The following GABRG3 variants were observed in gnomAD, a reference collection of about 807,000 sequenced individuals.
GABRG3 encodes the protein gamma-aminobutyric acid type A receptor subunit gamma3, also known as gamma-aminobutyric acid receptor subunit gamma-3.
Under a neutral mutation model 48.8 loss-of-function variants are expected in GABRG3, and 25 were observed. The observed-to-expected ratio is 0.51, with a 90% CI of 0.37 to 0.72. The LOEUF is 0.72. Among genes scored for constraint, GABRG3 ranks in the 30% least tolerant of loss-of-function variants. The pLI is 0.00. For synonymous variants in GABRG3, 227 were observed against 217.6 expected, an observed-to-expected ratio of 1.04 and a Z score of -0.38; for missense variants, 394 against 577.9, an observed-to-expected ratio of 0.68 and a Z score of 3.26.
At chr15:27,238,233 CACTG>C in intron 3 of GABRG3, among the ~76,000 whole-genome samples, 1 of 152,148 alleles carries the variant, frequency 6.6e-6, no homozygotes. Context: ...AGGAAGCAGT[CACTG>C]AACTTACAGT....
Position 27,261,540 on chromosome 15 carries a change from G to A in GABRG3, c.271-65269G>A, listed in dbSNP as rs1018166969. 1.0e-4 allele frequency among the ~76,000 whole-genome samples: 15 copies of A among 148,990 alleles called. No individual in the cohort carries two copies. The East Asian group carries it at 1.6e-3, about 15-fold the overall frequency. On this transcript the variant is annotated intron_variant, in intron 3 of 9. Transcript: ENST00000615808. The stretch of plus-strand genomic sequence containing the variant: ...TATTCATATATATACATATATATAT[G>A]TATATATATATTTTTAATATATGTG...
chr15:26,972,518 C>T (rs1324917948), intron 1 of GABRG3, among the ~76,000 whole-genome samples: 2 of 152,104 alleles, frequency 1.3e-5, no homozygotes, highest in East Asian at 3.9e-4. Flanking sequence ...AGTGTCTGGC[C>T]TTTACCTCTT....
intron 3 of GABRG3, among the ~76,000 whole-genome samples, chr15:27,229,245 G>A (rs1298364991): frequency 2.6e-5 from 4 of 152,174 alleles, no homozygotes; most frequent in Non-Finnish European, 5.9e-5. Context: ...TCTTGTATAT[G>A]ATATAAGGAA....
chr15:27,259,713 C>T (rs1372621654), intron 3 of GABRG3, among the ~76,000 whole-genome samples: 2 of 152,138 alleles, frequency 1.3e-5, no homozygotes, highest in Admixed American at 6.5e-5. Context: ...ATTCATCCCT[C>T]TTTCCACCAT....
chr15:27,396,956 G>A (rs1887317657), intron 5 of GABRG3, among the ~76,000 whole-genome samples: 1 of 152,096 alleles, frequency 6.6e-6, no homozygotes, highest in South Asian at 2.1e-4. Flanking sequence ...AATGGGGAGG[G>A]GTATTATCAA....
Position 27,540,047 on chromosome 15 carries a change from A to G in GABRG3, c.*7166A>G, listed in dbSNP as rs2150869447. 6.6e-6 allele frequency: 1 copy of G among 152,306 alleles called. No individual in the cohort carries two copies. Among genetic ancestry groups the G allele is most frequent in the South Asian group, 2.1e-4 (1 of 4,824 alleles). The allele number at this position is 152,306 out of a possible 1,614,324, so 9.4% of individuals were successfully genotyped here. ...ACACAAAGGCTTAGAGCCTTTTCTG[A>G]ACTATAACGAAATCAGAACTTACAT... On this transcript the variant is annotated 3_prime_UTR_variant, in exon 10 of 10. Coordinates refer to ENST00000615808, the MANE Select transcript of GABRG3 (RefSeq NM_033223.5).
intron 7 of GABRG3, among the ~76,000 whole-genome samples, chr15:27,522,086 T>C (rs1296584520): frequency 1.3e-5 from 2 of 151,736 alleles, no homozygotes; most frequent in Non-Finnish European, 3.0e-5. Flanking sequence ...ATGATGACAA[T>C]CAAAAATAAA....
chr15:27,087,827 GGT>G (rs779587061), intron 3 of GABRG3, among the ~76,000 whole-genome samples: 24 of 151,494 alleles, frequency 1.6e-4, no homozygotes, highest in African/African-American at 3.2e-4. Context: ...GATTATGTGT[GGT>G]GTGTGTGCAT....
chr15:27,022,708 G>A (rs867082127), intron 2 of GABRG3, among the ~76,000 whole-genome samples: 4 of 152,054 alleles, frequency 2.6e-5, no homozygotes, highest in African/African-American at 4.8e-5. Context: ...AGACCCGCCC[G>A]GCCCTGCATT....
intron 3 of GABRG3, among the ~76,000 whole-genome samples, chr15:27,139,039 A>C (rs1898058177): frequency 6.6e-6 from 1 of 152,146 alleles, no homozygotes; most frequent in Non-Finnish European, 1.5e-5. Context: ...AGACAGACAG[A>C]CAGAGAGGTA....
Position 27,089,311 on chromosome 15 carries a change from G to A in GABRG3, c.270+62490G>A, listed in dbSNP as rs542497738. On this transcript the variant is annotated intron_variant, in intron 3 of 9. Coordinates refer to ENST00000615808, the MANE Select transcript of GABRG3 (RefSeq NM_033223.5). ...GCTCGTCTGCAGGCAACTGGGAGGAGCGAGGTGGACCTGCTGCCTGCAGTC... is the reference window on the plus strand; with the variant it reads ...GCTCGTCTGCAGGCAACTGGGAGGAACGAGGTGGACCTGCTGCCTGCAGTC... 2.2e-4 allele frequency among the ~76,000 whole-genome samples: 34 copies of A among 152,302 alleles called. 1 individual carries two copies. The highest frequency in any genetic ancestry group is 3.8e-4 in the Non-Finnish European group (26 of 68,012).
At chr15:27,185,170 C>T (rs1888053897) in intron 3 of GABRG3, among the ~76,000 whole-genome samples, 1 of 152,054 alleles carries the variant, frequency 6.6e-6, no homozygotes. Context: ...GCCTTTACAG[C>T]TGTGAATTTC....
At chr15:27,156,499 G>A (rs568276476) in intron 3 of GABRG3, among the ~76,000 whole-genome samples, 3 of 152,062 alleles carry the variant, frequency 2.0e-5, no homozygotes, top group South Asian at 2.1e-4. Flanking sequence ...CAAGATACTC[G>A]CTACCATGTC....
In GABRG3 at chr15:27,313,216, GTATA is replaced by G. The variant is rs1310607749; in HGVS notation, c.271-13586_271-13583del. On this transcript the variant is annotated intron_variant, in intron 3 of 9. Transcript: ENST00000615808. ...TATGTGTATATATATATATGTATAT[GTATA>G]TATATACGTATATGTATATATGTGT... 7.6e-5 allele frequency among the ~76,000 whole-genome samples: 7 copies of G among 92,678 alleles called. No homozygotes were observed. The East Asian group carries it at 1.9e-3, about 26-fold the overall frequency. The allele number at this position is 92,678 out of a possible 152,430, so 60.8% of individuals were successfully genotyped here. A position where few individuals can be genotyped will look rare whatever the true frequency, so the allele number is the denominator to read the frequency against.
chr15:27,082,628 T>C (rs750318676), intron 3 of GABRG3, among the ~76,000 whole-genome samples: 12 of 152,178 alleles, frequency 7.9e-5, no homozygotes, highest in Non-Finnish European at 1.3e-4. Flanking sequence ...AAGATCACGA[T>C]AAAACCACAG....
chr15:27,039,452 G>A (rs930396145), intron 3 of GABRG3, among the ~76,000 whole-genome samples: 6 of 152,186 alleles, frequency 3.9e-5, no homozygotes, highest in Non-Finnish European at 5.9e-5. Context: ...TTAGCCGGCT[G>A]CACCACGGAG....
chr15:27,088,446 TG>T (rs1262708803), intron 3 of GABRG3, among the ~76,000 whole-genome samples: 1 of 152,068 alleles, frequency 6.6e-6, no homozygotes, highest in Non-Finnish European at 1.5e-5. Flanking sequence ...TCTGGCCAAC[TG>T]GGGAGGCTGT....
intron 9 of GABRG3, among the ~76,000 whole-genome samples, chr15:27,532,050 C>A (rs187342979): frequency 6.6e-6 from 1 of 152,186 alleles, no homozygotes; most frequent in African/African-American, 2.4e-5. Flanking sequence ...TTTTACTCTT[C>A]ACTAATTAGA....
intron 3 of GABRG3, among the ~76,000 whole-genome samples, chr15:27,192,717 C>A (rs1443352370): frequency 6.6e-6 from 1 of 152,168 alleles, no homozygotes; most frequent in Non-Finnish European, 1.5e-5. Flanking sequence ...CTCCTTCTCT[C>A]AACTCGTCAT....
Sources: gnomAD v4.1 joint callset for allele counts (sites outside exome capture counted in the v4.1 genomes callset) on GRCh38, gnomAD v4.1.1 for gene constraint, MANE v1.5 for transcripts, NCBI Gene and HGNC (gene_info 2026-07-23, HGNC 2026-07-21) for gene names.